Variants in RARB observed in about 807,000 individuals in gnomAD.
The protein encoded by RARB is HBV-activated protein.
A neutral mutation model predicts 51.9 loss-of-function variants in RARB; 17 were observed. The ratio of observed to expected loss-of-function variants is 0.33; its 90% confidence interval spans 0.22 to 0.49. The LOEUF (loss-of-function observed/expected upper bound fraction) is 0.49. RARB is among the 20% of genes least tolerant of loss of function. RARB has a pLI of 0.99. For missense variants in RARB, 369 were observed against 550.8 expected (o/e 0.67, Z 3.30); for synonymous variants, 215 against 195.4 (o/e 1.10, Z -0.84).
intron 3 of RARB, among the ~76,000 whole-genome samples, chr3:25,551,116 C>G (rs1699835380): frequency 6.6e-6 from 1 of 152,136 alleles, no homozygotes; most frequent in South Asian, 2.1e-4. Flanking sequence ...AGGGCAGGGT[C>G]TTAGCAGAGT....
chr3:25,284,827 G>C (rs1703610482), intron 5 of RARB, among the ~76,000 whole-genome samples: 1 of 152,174 alleles, frequency 6.6e-6, no homozygotes. Flanking sequence ...GCCAAAGCTA[G>C]GTACACAGAA....
chr3:25,590,899 A>G (rs949761114), intron 5 of RARB, among the ~76,000 whole-genome samples: 7 of 152,238 alleles, frequency 4.6e-5, no homozygotes, highest in Non-Finnish European at 8.8e-5. Flanking sequence ...TCTAGGCTCT[A>G]GCACCATTGC....
chr3:24,955,903 T>C (rs555533218), intron 2 of RARB, among the ~76,000 whole-genome samples: 70 of 152,266 alleles, frequency 4.6e-4, no homozygotes, highest in African/African-American at 1.6e-3. Context: ...AATATCTCTC[T>C]GGGCATAGGG....
At chr3:25,257,799 A>G (rs1702902784) in intron 5 of RARB, among the ~76,000 whole-genome samples, 1 of 151,888 alleles carries the variant, frequency 6.6e-6, no homozygotes, top group Non-Finnish European at 1.5e-5. Flanking sequence ...TTTCTTCCCA[A>G]ACCTTCTAAG....
chr3:24,880,746 C>A (rs549216021), intron 2 of RARB, among the ~76,000 whole-genome samples: 1 of 152,146 alleles, frequency 6.6e-6, no homozygotes, highest in African/African-American at 2.4e-5. Flanking sequence ...TTCCATCATA[C>A]CAGACACTAA....
intron 5 of RARB, among the ~76,000 whole-genome samples, chr3:25,221,097 A>G (rs1284272985): frequency 6.6e-6 from 1 of 152,176 alleles, no homozygotes; most frequent in Non-Finnish European, 1.5e-5. Context: ...AAAGACAAAA[A>G]AAGAAGTGGA....
intron 3 of RARB, among the ~76,000 whole-genome samples, chr3:25,545,208 G>GC (rs1699571689): frequency 1.3e-5 from 2 of 152,144 alleles, no homozygotes; most frequent in South Asian, 4.1e-4. Context: ...GCCCCACAAA[G>GC]CTGTGGGATT....
intron 5 of RARB, among the ~76,000 whole-genome samples, chr3:25,231,711 G>A (rs1197938443): frequency 2.6e-5 from 4 of 152,062 alleles, no homozygotes; most frequent in Non-Finnish European, 4.4e-5. Context: ...GTGTTTACTT[G>A]CCTTCTTTGA....
rs552555826 is a variant in RARB at position 24,868,649 on chromosome 3, T to A, written c.-380+9897T>A. 3.3e-5 allele frequency among the ~76,000 whole-genome samples: 5 copies of A among 152,262 alleles called. No individual in the cohort carries two copies. The East Asian group carries it at 9.6e-4, about 29-fold the overall frequency. On this transcript the variant is annotated intron_variant, in intron 2 of 11. Transcript: ENST00000383772. ...TTTGGAATTACTTGGTATAACAGACTTTTTAGGTATAATAAGAAACATTTA... is the reference window on the plus strand; with the variant it reads ...TTTGGAATTACTTGGTATAACAGACATTTTAGGTATAATAAGAAACATTTA...
chr3:25,514,766 A>C (rs1698075539), intron 3 of RARB, among the ~76,000 whole-genome samples: 1 of 152,234 alleles, frequency 6.6e-6, no homozygotes, highest in South Asian at 2.1e-4. Context: ...GCCCTTCCAA[A>C]GGGAAAGATA....
chr3:25,054,678 A>T (rs1462502457), intron 2 of RARB, among the ~76,000 whole-genome samples: 1 of 152,186 alleles, frequency 6.6e-6, no homozygotes, highest in Non-Finnish European at 1.5e-5. Context: ...TGCTGAGTAG[A>T]GCATAGCAAA....
At chr3:25,106,451 G>GGTTTTTTTT (rs1575163102) in intron 3 of RARB, among the ~76,000 whole-genome samples, 793 of 70,522 alleles carry the variant, frequency 0.011, 37 homozygotes, top group African/African-American at 0.04. Flanking sequence ...ACTGTTTTTT[G>GGTTTTTTTT]TTTTTTGTTT....
chr3:25,484,277 T>G (rs1168648770), intron 2 of RARB, among the ~76,000 whole-genome samples: 6 of 152,214 alleles, frequency 3.9e-5, no homozygotes, highest in African/African-American at 1.2e-4. Context: ...TCTTCAAGGC[T>G]GAGGTTTTCT....
chr3:24,897,522 G>C (rs1024887537), intron 2 of RARB, among the ~76,000 whole-genome samples: 1 of 152,054 alleles, frequency 6.6e-6, no homozygotes, highest in Non-Finnish European at 1.5e-5. Flanking sequence ...TTCGATAACT[G>C]TAAACTATAA....
chr3:25,088,995 C>A (rs970154069), intron 3 of RARB, among the ~76,000 whole-genome samples: 1 of 151,800 alleles, frequency 6.6e-6, no homozygotes, highest in East Asian at 1.9e-4. Context: ...TCCCTCCCCA[C>A]CCTGCCCCCT....
chr3:25,335,359 AT>A (rs1242110311), intron 5 of RARB, among the ~76,000 whole-genome samples: 1 of 152,240 alleles, frequency 6.6e-6, no homozygotes, highest in Non-Finnish European at 1.5e-5. Flanking sequence ...ATTTTTAAAA[AT>A]TAATTCTTGG....
At chr3:25,318,865 A>G (rs914516167) in intron 5 of RARB, among the ~76,000 whole-genome samples, 1 of 152,198 alleles carries the variant, frequency 6.6e-6, no homozygotes, top group Non-Finnish European at 1.5e-5. Flanking sequence ...TCATCAGACA[A>G]TATCCTTAAT....
At chr3:25,196,689 A>G (rs1701247750) in intron 5 of RARB, among the ~76,000 whole-genome samples, 1 of 152,146 alleles carries the variant, frequency 6.6e-6, no homozygotes. Context: ...TCCCACCAAC[A>G]GTGTAAAGTG....
At chr3:25,031,779 G>A (rs1282638404) in intron 2 of RARB, among the ~76,000 whole-genome samples, 1 of 152,088 alleles carries the variant, frequency 6.6e-6, no homozygotes, top group Non-Finnish European at 1.5e-5. Context: ...ACTAAAAAGG[G>A]CAGTTGCAAA....
Sources: gnomAD v4.1 joint callset for allele counts (sites outside exome capture counted in the v4.1 genomes callset) on GRCh38, gnomAD v4.1.1 for gene constraint, MANE v1.5 for transcripts, NCBI Gene and HGNC (gene_info 2026-07-23, HGNC 2026-07-21) for gene names.